The following PDZRN3 variants were observed in gnomAD, a reference collection of about 807,000 sequenced individuals.
PDZRN3 encodes the protein PDZ domain containing ring finger 3, also known as E3 ubiquitin-protein ligase PDZRN3.
PDZRN3 carries 38 observed loss-of-function variants against 85.7 expected under a neutral mutation model. The observed-to-expected ratio is 0.44, with a 90% CI of 0.34 to 0.58. The LOEUF is 0.58. Among genes scored for constraint, PDZRN3 ranks in the 20% least tolerant of loss-of-function variants. PDZRN3 has a pLI of 0.01. For missense variants in PDZRN3, 1,629 were observed against 1,506.4 expected (o/e 1.08, Z -1.35); for synonymous variants, 759 against 638.0 (o/e 1.19, Z -2.86).
chr3:73,546,928 TG>T lies in PDZRN3; in HGVS notation c.918+55425del, dbSNP rs539286256. 8.7e-4 allele frequency among the ~76,000 whole-genome samples: 133 copies of T among 152,304 alleles called. 1 individual carries two copies. Among genetic ancestry groups the T allele is most frequent in the African/African-American group, 3.1e-3 (127 of 41,562 alleles). On this transcript the variant is annotated intron_variant, in intron 3 of 9. Transcript: ENST00000263666. ...CTGGAAAAAGCCTGAGTTCAGCAGC[TG>T]GAAGATGAGGTGAGAACTCCCAGGT... is the stretch of plus-strand genomic sequence containing the variant.
chr3:73,395,857 A>G (rs1458935737), intron 5 of PDZRN3, among the ~76,000 whole-genome samples: 1 of 152,234 alleles, frequency 6.6e-6, no homozygotes, highest in African/African-American at 2.4e-5. Context: ...GGCAAAAGGA[A>G]TATACAGTAA....
chr3:73,468,381 C>T (rs1052555755), intron 3 of PDZRN3, among the ~76,000 whole-genome samples: 1 of 151,942 alleles, frequency 6.6e-6, no homozygotes, highest in Non-Finnish European at 1.5e-5. Flanking sequence ...CCAGGGCTTA[C>T]AAATTTGTGT....
chr3:73,544,331 A>C (rs1701368501), intron 3 of PDZRN3, among the ~76,000 whole-genome samples: 1 of 151,998 alleles, frequency 6.6e-6, no homozygotes, highest in Non-Finnish European at 1.5e-5. Context: ...CATATTATAC[A>C]CAGTATTTTT....
Position 73,498,097 on chromosome 3 carries a change from C to T in PDZRN3, c.919-93702G>A, listed in dbSNP as rs569983365. Among the ~76,000 whole-genome samples, 6 of 152,278 alleles carry T rather than the reference C, an allele frequency of 3.9e-5. No individual in the cohort carries two copies. The East Asian group carries it at 9.6e-4, about 24-fold the overall frequency. On this transcript the variant is annotated intron_variant, in intron 3 of 9. Coordinates refer to ENST00000263666, the MANE Select transcript of PDZRN3 (RefSeq NM_015009.3). Reference sequence around the variant, plus strand: ...TAAGGCCACAAATCCTGGTTATCTGCCTCTGTCATGTAGAGATACAAAAAT... The same window carrying T: ...TAAGGCCACAAATCCTGGTTATCTGTCTCTGTCATGTAGAGATACAAAAAT...
chr3:73,586,510 G>A (rs1185344894), intron 3 of PDZRN3, among the ~76,000 whole-genome samples: 1 of 152,226 alleles, frequency 6.6e-6, no homozygotes, highest in Non-Finnish European at 1.5e-5. Flanking sequence ...AGAATATGCG[G>A]TGTGCAGAGC....
At chr3:73,422,499 G>GA (rs1021146198) in intron 3 of PDZRN3, among the ~76,000 whole-genome samples, 1 of 151,870 alleles carries the variant, frequency 6.6e-6, no homozygotes, top group East Asian at 1.9e-4. Flanking sequence ...ATGAGGACAG[G>GA]AAAAAAAATC....
intron 3 of PDZRN3, among the ~76,000 whole-genome samples, chr3:73,496,993 G>T (rs1012861985): frequency 6.6e-6 from 1 of 152,164 alleles, no homozygotes; most frequent in African/African-American, 2.4e-5. Context: ...TGCTGATGTG[G>T]TTAACAAATG....
intron 4 of PDZRN3, among the ~76,000 whole-genome samples, chr3:73,402,975 G>A (rs545435273): frequency 8.0e-5 from 10 of 125,408 alleles, no homozygotes; most frequent in South Asian, 7.1e-4. Context: ...ACGGAGTCTC[G>A]CTCTGTTGCC....
At chr3:73,544,026 C>T (rs980198139) in intron 3 of PDZRN3, among the ~76,000 whole-genome samples, 2 of 152,128 alleles carry the variant, frequency 1.3e-5, no homozygotes, top group Admixed American at 1.3e-4. Flanking sequence ...AGCCTGGCCA[C>T]CATGGTGAAA....
chr3:73,473,527 G>A (rs1542693), intron 3 of PDZRN3, among the ~76,000 whole-genome samples: 23,887 of 152,150 alleles, frequency 0.16, 4,002 homozygotes, highest in African/African-American at 0.43. Context: ...GAATTATGGG[G>A]TAGGTGACGA....
At chr3:73,464,340 A>G (rs1370207808) in intron 3 of PDZRN3, among the ~76,000 whole-genome samples, 4 of 152,110 alleles carry the variant, frequency 2.6e-5, no homozygotes, top group Non-Finnish European at 5.9e-5. Flanking sequence ...GTTACTCACT[A>G]TTGTGAGTAA....
At chr3:73,480,130 T>C (rs1703533809) in intron 3 of PDZRN3, among the ~76,000 whole-genome samples, 1 of 152,186 alleles carries the variant, frequency 6.6e-6, no homozygotes, top group South Asian at 2.1e-4. Context: ...TCACTAGACA[T>C]AGCAGTTTGC....
At chr3:73,411,017 C>A (rs1042439190) in intron 3 of PDZRN3, among the ~76,000 whole-genome samples, 5 of 152,250 alleles carry the variant, frequency 3.3e-5, no homozygotes, top group Non-Finnish European at 7.3e-5. Context: ...ATCTCCCTAT[C>A]TTCTACATCT....
At chr3:73,505,388 T>G (rs1307143487) in intron 3 of PDZRN3, among the ~76,000 whole-genome samples, 1 of 152,226 alleles carries the variant, frequency 6.6e-6, no homozygotes, top group African/African-American at 2.4e-5. Context: ...AGATTTTTGT[T>G]ATTGTTTTAG....
At chr3:73,587,263 G>A (rs2106874869) in intron 3 of PDZRN3, among the ~76,000 whole-genome samples, 1 of 152,260 alleles carries the variant, frequency 6.6e-6, no homozygotes, top group Admixed American at 6.5e-5. Context: ...TAAATATCTC[G>A]CATGAAACTT....
At chr3:73,493,083 T>C (rs1230724275) in intron 3 of PDZRN3, among the ~76,000 whole-genome samples, 2 of 144,060 alleles carry the variant, frequency 1.4e-5, no homozygotes, top group Non-Finnish European at 1.5e-5. Context: ...GGAGAGGGTA[T>C]GTCCGGGCCC....
At chr3:73,533,345 G>C (rs1188386571) in intron 3 of PDZRN3, among the ~76,000 whole-genome samples, 1 of 152,068 alleles carries the variant, frequency 6.6e-6, no homozygotes, top group African/African-American at 2.4e-5. Flanking sequence ...CATTGCGAAG[G>C]ACAGAACTTC....
intron 3 of PDZRN3, among the ~76,000 whole-genome samples, chr3:73,482,983 T>C (rs1001271335): frequency 1.3e-5 from 2 of 152,210 alleles, no homozygotes; most frequent in Non-Finnish European, 2.9e-5. Flanking sequence ...GTACTTATTT[T>C]ACCGTAAATT....
chr3:73,416,058 T>G (rs1342518350), intron 3 of PDZRN3, among the ~76,000 whole-genome samples: 3 of 150,560 alleles, frequency 2.0e-5, no homozygotes, highest in Non-Finnish European at 3.0e-5. Flanking sequence ...AGATTAAGGG[T>G]TTTTTTTGTT....
Sources: allele counts gnomAD v4.1 joint callset (sites outside exome capture counted in the v4.1 genomes callset), GRCh38; gene constraint gnomAD v4.1.1; transcripts MANE v1.5; gene names NCBI Gene and HGNC (gene_info 2026-07-23, HGNC 2026-07-21).